Variants in MMD2 observed in about 807,000 individuals in gnomAD.
MMD2 encodes monocyte to macrophage differentiation factor 2.
Under a neutral mutation model 33.5 loss-of-function variants are expected in MMD2, and 30 were observed. The ratio of observed to expected loss-of-function variants is 0.90; its 90% CI spans 0.67 to 1.22. MMD2 has a LOEUF of 1.22. Ranked by LOEUF, MMD2 falls within the 50% of genes most tolerant of loss-of-function variation. The pLI, the probability that MMD2 is intolerant of heterozygous loss-of-function variation, is 0.00. For synonymous variants in MMD2, 129 were observed against 123.0 expected, an observed-to-expected ratio of 1.05 and a Z score of -0.32; for missense variants, 364 against 325.4, an observed-to-expected ratio of 1.12 and a Z score of -0.91.
the MMD2 span, among the ~76,000 whole-genome samples, chr7:4,894,051 C>T: frequency 6.6e-6 from 1 of 152,120 alleles, no homozygotes; most frequent in Non-Finnish European, 1.5e-5. The surrounding 1 kb of genome is among the most constrained non-coding windows in gnomAD (Gnocchi z 4.3). Context: ...GCCTTAACCT[C>T]CTAGGAATGC....
chr7:4,907,984 A>G (rs1332505671), intron 6 of MMD2, among the ~76,000 whole-genome samples: 1 of 150,762 alleles, frequency 6.6e-6, no homozygotes, highest in Non-Finnish European at 1.5e-5. Flanking sequence ...ATTTTATTTT[A>G]TTTTTGGAGA....
intron 6 of MMD2, among the ~76,000 whole-genome samples, chr7:4,909,378 G>A (rs1453580775): frequency 3.4e-5 from 5 of 148,016 alleles, no homozygotes; most frequent in Admixed American, 6.9e-5. Context: ...CCAAGCCCTC[G>A]CCAGACCAGG....
intron 2 of MMD2, among the ~76,000 whole-genome samples, chr7:4,921,832 G>A (rs1785293612): frequency 6.6e-6 from 1 of 152,118 alleles, no homozygotes; most frequent in Admixed American, 6.6e-5. Context: ...TCCTTAATAA[G>A]AGGCCTTCAG....
At chr7:4,925,358 A>C (rs1785397377) in intron 2 of MMD2, 93 bp downstream of exon 2, 1 of 1,035,734 alleles carries the variant, frequency 9.7e-7, no homozygotes, top group African/African-American at 1.6e-5. Flanking sequence ...GGAACAGGCC[A>C]CTTAGGACAT....
At chr7:4,918,597 C>T (rs2115101026) in intron 3 of MMD2, among the ~76,000 whole-genome samples, 1 of 151,484 alleles carries the variant, frequency 6.6e-6, no homozygotes, top group East Asian at 2.0e-4. Context: ...AATTCTCGTG[C>T]CTCAGCCCCC....
intron 1 of MMD2, among the ~76,000 whole-genome samples, chr7:4,932,499 C>T (rs1040564464): frequency 1.3e-5 from 2 of 152,100 alleles, no homozygotes; most frequent in South Asian, 4.1e-4. Flanking sequence ...CTGCCACCGC[C>T]ACCATCAAGG....
chr7:4,932,337 G>A (rs1000382893), intron 1 of MMD2, among the ~76,000 whole-genome samples: 6 of 152,036 alleles, frequency 3.9e-5, no homozygotes, highest in East Asian at 1.9e-4. Context: ...AACTCCTTGC[G>A]ACCTCATTTC....
At chr7:4,895,648 T>C in the MMD2 span, among the ~76,000 whole-genome samples, 63 of 152,268 alleles carry the variant, frequency 4.1e-4, no homozygotes, top group African/African-American at 1.5e-3. Context: ...ACAATTCTCC[T>C]GACTCAGCCT....
At position 4,920,041 on chromosome 7, in the gene MMD2, C is replaced by T; in HGVS notation, c.290+130G>A. ...GCCAGCCTCCTGCAAAGTCGCCCAGCCCAGCCCCTCCCAGCTCAGTGGAGA... is the reference window on the plus strand; with the variant it reads ...GCCAGCCTCCTGCAAAGTCGCCCAGTCCAGCCCCTCCCAGCTCAGTGGAGA... On this transcript the variant is annotated intron_variant, in intron 3 of 6. Coordinates refer to ENST00000401401, the MANE Select transcript of MMD2 (RefSeq NM_198403.4). The T allele has an allele frequency of 3.5e-6, 4 of 1,130,812 alleles. No individual in the cohort carries two copies. The South Asian group carries it at 6.3e-5, about 18-fold the overall frequency. The allele number at this position is 1,130,812 out of a possible 1,614,324, so 70.0% of individuals were successfully genotyped here. A position where few individuals can be genotyped will look rare whatever the true frequency, so the allele number is the denominator to read the frequency against.
At chr7:4,905,267 G>GGAGGAA (rs201762694), downstream of MMD2, among the ~76,000 whole-genome samples, 1 of 149,818 alleles carries the variant, frequency 6.7e-6, no homozygotes, top group Non-Finnish European at 1.5e-5. This position sits in a 1 kb window ranked among gnomAD's most constrained non-coding sequence, Gnocchi z 5.0. Context: ...AGGAGGAGGA[G>GGAGGAA]GAGGAAGAGG....
At chr7:4,916,670 A>G (rs1457991932) in intron 3 of MMD2, among the ~76,000 whole-genome samples, 1 of 152,076 alleles carries the variant, frequency 6.6e-6, no homozygotes, top group Non-Finnish European at 1.5e-5. Context: ...AGCGTGAGCC[A>G]CCGCACCTGG....
chr7:4,945,818 T>C (rs1786060239), intron 1 of MMD2, among the ~76,000 whole-genome samples: 1 of 150,400 alleles, frequency 6.6e-6, no homozygotes, highest in Non-Finnish European at 1.5e-5. Flanking sequence ...CAAGTGATCC[T>C]CCCGCCTTGG....
At chr7:4,917,189 G>C (rs1483418835) in intron 3 of MMD2, among the ~76,000 whole-genome samples, 2 of 150,896 alleles carry the variant, frequency 1.3e-5, no homozygotes, top group Non-Finnish European at 3.0e-5. Flanking sequence ...AAAAGGCCTG[G>C]GTTCGAATTC....
intron 1 of MMD2, among the ~76,000 whole-genome samples, chr7:4,929,590 T>C (rs774647745): frequency 2.2e-4 from 34 of 151,998 alleles, no homozygotes; most frequent in Non-Finnish European, 4.0e-4. Flanking sequence ...AATGGCGCTG[T>C]CTTGGCTCAC....
chr7:4,926,098 G>A (rs191397135), intron 1 of MMD2, among the ~76,000 whole-genome samples: 1 of 149,404 alleles, frequency 6.7e-6, no homozygotes, highest in Non-Finnish European at 1.5e-5. Context: ...GAGATACCAC[G>A]CCGGGCTTTT....
At position 4,907,135 on chromosome 7, in the gene MMD2, A is replaced by G; in HGVS notation, c.*261T>C. On this transcript the variant is annotated 3_prime_UTR_variant, in exon 7 of 7. Transcript: ENST00000401401. Reference sequence around the variant, plus strand: ...GCCTGCTTCCTTTTCTGAAGATGTTAATGTTGCTTGTATTAGGAAACACTC... The same window carrying G: ...GCCTGCTTCCTTTTCTGAAGATGTTGATGTTGCTTGTATTAGGAAACACTC... The G allele has an allele frequency of 2.2e-6, 1 of 462,476 alleles. No individual in the cohort carries two copies. The highest frequency in any genetic ancestry group is 3.9e-6 in the Non-Finnish European group (1 of 254,016). The allele number at this position is 462,476 out of a possible 1,614,324, so 28.6% of individuals were successfully genotyped here.
At chr7:4,894,240 G>A in the MMD2 span, among the ~76,000 whole-genome samples, 11 of 152,218 alleles carry the variant, frequency 7.2e-5, no homozygotes, top group East Asian at 1.9e-4. This position sits in a 1 kb window ranked among gnomAD's most constrained non-coding sequence, Gnocchi z 4.3. Context: ...CTTGCCTTAC[G>A]ACCTAGCCGC....
chr7:4,901,033 G>A (rs182218462), downstream of MMD2, among the ~76,000 whole-genome samples: 647 of 152,022 alleles, frequency 4.3e-3, 5 homozygotes, highest in Non-Finnish European at 6.4e-3. Context: ...CCAGCTACTC[G>A]GGAGGCTGAG....
At chr7:4,905,740 C>A (rs1784855445), downstream of MMD2, among the ~76,000 whole-genome samples, 1 of 152,120 alleles carries the variant, frequency 6.6e-6, no homozygotes, top group South Asian at 2.1e-4. The surrounding 1 kb of genome is among the most constrained non-coding windows in gnomAD (Gnocchi z 5.0). Flanking sequence ...TCTCTCCAAC[C>A]AGCCCTCCCC....
Sources: allele counts gnomAD v4.1 joint callset (sites outside exome capture counted in the v4.1 genomes callset), GRCh38; gene constraint gnomAD v4.1.1; non-coding constraint Gnocchi (gnomAD v3.1); transcripts MANE v1.5; gene names NCBI Gene and HGNC (gene_info 2026-07-23, HGNC 2026-07-21).